Variants in ESAM observed in about 807,000 individuals in gnomAD.
The protein encoded by ESAM is endothelial cell adhesion molecule.
Under a neutral mutation model 31.8 loss-of-function variants are expected in ESAM, and 23 were observed. The observed-to-expected ratio is 0.72, with a 90% CI of 0.52 to 1.03. The LOEUF is 1.03. Ranked by LOEUF, ESAM falls within the 50% of genes least tolerant of loss-of-function variation. The pLI, the probability that ESAM is intolerant of heterozygous loss-of-function variation, is 0.00. For missense variants in ESAM, 478 were observed against 488.9 expected, an observed-to-expected ratio of 0.98 and a Z score of 0.21; for synonymous variants, 216 against 207.2, an observed-to-expected ratio of 1.04 and a Z score of -0.37.
rs765306132 is a variant in ESAM, at chr11:124,753,870, G to A, written c.949C>T (p.Arg317Ter). 2 of 1,613,924 alleles carry A rather than the reference G, an allele frequency of 1.2e-6. No homozygotes were observed. Among genetic ancestry groups the A allele is most frequent in the Non-Finnish European group, 1.7e-6 (2 of 1,179,986 alleles). Residue 317 changes from arginine to a stop codon, truncating the protein, a stop_gained, in exon 7 of 7, where the codon CGA (arginine) becomes TGA (stop). Coordinates refer to ENST00000278927, the MANE Select transcript of ESAM (RefSeq NM_138961.3). LOFTEE classifies it low-confidence loss of function (END_TRUNC). Reference protein sequence around the residue: ...NGTLSSVTSARALRPPHGPPR... With the variant: ...NGTLSSVTSA ...GGGCCATGGGGTGGCCGGAGGGCTCGTGCGGAGGTGACAGAGGAAAGGGTC... is the reference window on the plus strand; with the variant it reads ...GGGCCATGGGGTGGCCGGAGGGCTCATGCGGAGGTGACAGAGGAAAGGGTC...
chr11:124,758,591 C>T, intron 1 of ESAM, 64 bp from the exon 2 acceptor site: 1 of 1,435,644 alleles, frequency 7.0e-7, no homozygotes, highest in East Asian at 2.6e-5. Flanking sequence ...CGGACCCTGC[C>T]CTACGCGGCT....
intron 2 of ESAM, 33 bp downstream of exon 2, chr11:124,758,316 C>G (rs781149614): frequency 6.2e-7 from 1 of 1,613,778 alleles, no homozygotes; most frequent in Non-Finnish European, 8.5e-7. Flanking sequence ...CTGGGCGCAA[C>G]TTGCCGCTGG....
chr11:124,756,493 C>T (rs1944156399), intron 3 of ESAM, 48 bp downstream of exon 3: 4 of 1,604,604 alleles, frequency 2.5e-6, no homozygotes, highest in Non-Finnish European at 3.4e-6. Flanking sequence ...ACTCACCAGA[C>T]CTCCCAGTGC....
intron 3 of ESAM, 38 bp downstream of exon 3, chr11:124,756,503 C>A (rs201149748): frequency 6.8e-6 from 11 of 1,608,048 alleles, no homozygotes; most frequent in Non-Finnish European, 6.8e-6. Flanking sequence ...CCTCCCAGTG[C>A]AGGTGGGGAG....
intron 1 of ESAM, 21 bp from the exon 2 acceptor site, chr11:124,758,548 T>C (rs1944185861): frequency 2.0e-6 from 3 of 1,511,002 alleles, no homozygotes; most frequent in African/African-American, 1.4e-5. Flanking sequence ...GAGCGAGGCG[T>C]GAGTGCCCAG....
intron 2 of ESAM, among the ~76,000 whole-genome samples, chr11:124,757,890 G>C (rs1944175720): frequency 1.3e-5 from 2 of 151,968 alleles, no homozygotes. Context: ...CAGAGACGGG[G>C]GTTTCACCAT....
rs73611443 is a variant in ESAM, at chr11:124,753,468, T to A, written c.*178A>T. 1.5e-6 allele frequency: 1 copy of A among 667,338 alleles called. No homozygotes were observed. Among genetic ancestry groups the A allele is most frequent in the African/African-American group, 1.8e-5 (1 of 54,566 alleles). 41.3% of individuals were successfully genotyped at this position (667,338 alleles called of 1,614,324 possible). ...TTCCAGATCCACTTCCTCTTCTCCT[T>A]CTGTCTCCTGGACACTTAGGTCTTA... On this transcript the variant is annotated 3_prime_UTR_variant, in exon 7 of 7. Transcript: ENST00000278927.
Position 124,753,820 on chromosome 11 carries a change from G to C in ESAM, c.999C>G (p.Pro333=), listed in dbSNP as rs1304571927. The change falls in exon 7 of 7, where the codon CCC becomes CCG. Residue 333 remains proline (P), a synonymous_variant. Coordinates refer to ENST00000278927, the MANE Select transcript of ESAM (RefSeq NM_138961.3). ...HGPPRPGALT[P]TPSLSSQALP... ...GGGCCTGGCTGGAGAGACTGGGCGT[G>C]GGGGTCAATGCACCAGGCCTGGGAG... 5.6e-6 allele frequency: 9 copies of C among 1,613,462 alleles called. No individual in the cohort carries two copies. The highest frequency in any genetic ancestry group is 7.6e-6 in the Non-Finnish European group (9 of 1,179,740).
chr11:124,756,430 C>T, intron 3 of ESAM, 68 bp from the exon 4 acceptor site: 2 of 1,579,410 alleles, frequency 1.3e-6, no homozygotes, highest in Non-Finnish European at 1.7e-6. Context: ...CTGCCCTGCA[C>T]CCTTCTGTCG....
chr11:124,753,855 G>A lies in ESAM; in HGVS notation c.964C>T (p.Pro322Ser). The A allele has an allele frequency of 1.9e-6, 3 of 1,613,884 alleles. No homozygotes were observed. Among genetic ancestry groups the A allele is most frequent in the South Asian group, 2.2e-5 (2 of 91,054 alleles). The change falls in exon 7 of 7, where the codon CCC (proline) becomes TCC (serine). Residue 322 changes from proline to serine, a missense_variant. Physicochemically the swap from Pro to Ser is moderately conservative, Grantham distance 74 (BLOSUM62 -1). Coordinates refer to ENST00000278927, the MANE Select transcript of ESAM (RefSeq NM_138961.3). ...SVTSARALRP[P>S]HGPPRPGALT... is the part of the protein sequence containing the mutation. ...GCACCAGGCCTGGGAGGGCCATGGGGTGGCCGGAGGGCTCGTGCGGAGGTG... is the reference window on the plus strand; with the variant it reads ...GCACCAGGCCTGGGAGGGCCATGGGATGGCCGGAGGGCTCGTGCGGAGGTG...
chr11:124,756,812 T>C, intron 2 of ESAM, 70 bp from the exon 3 acceptor site: 1 of 1,517,790 alleles, frequency 6.6e-7, no homozygotes, highest in South Asian at 1.2e-5. Context: ...TCAGCCACTC[T>C]CCCTCCCCCA....
In ESAM at chr11:124,759,100, G is replaced by A. The variant is rs192650470; in HGVS notation, c.71-573C>T. On this transcript the variant is annotated intron_variant, in intron 1 of 6. Coordinates refer to ENST00000278927, the MANE Select transcript of ESAM (RefSeq NM_138961.3). The surrounding 1 kb of genome is among the most constrained non-coding windows in gnomAD (Gnocchi z 6.8). Reference sequence around the variant, plus strand: ...GCCCAGCGCCCAAGCCTGACCCAGTGAATGCGATGCTCCCCGCCCTCCCGC... The same window carrying A: ...GCCCAGCGCCCAAGCCTGACCCAGTAAATGCGATGCTCCCCGCCCTCCCGC... 6.6e-6 allele frequency: 1 copy of A among 152,514 alleles called. No homozygotes were observed. Among genetic ancestry groups the A allele is most frequent in the East Asian group, 1.9e-4 (1 of 5,166 alleles). The allele number at this position is 152,514 out of a possible 1,614,324, so 9.4% of individuals were successfully genotyped here.
chr11:124,762,181 G>A lies in ESAM; in HGVS notation c.-27C>T. The stretch of plus-strand genomic sequence containing the variant: ...GCCCTCCCTGGCCGGGACGGAGTCA[G>A]GGGCGCCAGCCGCGGGACGCACGGA... On this transcript the variant is annotated 5_prime_UTR_variant, in exon 1 of 7. Coordinates refer to ENST00000278927, the MANE Select transcript of ESAM (RefSeq NM_138961.3). This position sits in a 1 kb window ranked among gnomAD's most constrained non-coding sequence, Gnocchi z 6.4. 1 of 1,584,684 alleles carries A rather than the reference G, an allele frequency of 6.3e-7. No individual in the cohort carries two copies. Among genetic ancestry groups the A allele is most frequent in the Non-Finnish European group, 8.6e-7 (1 of 1,164,694 alleles).
At chr11:124,761,634 G>A in intron 1 of ESAM, among the ~76,000 whole-genome samples, 1 of 152,212 alleles carries the variant, frequency 6.6e-6, no homozygotes, top group East Asian at 1.9e-4. Flanking sequence ...AAGTGCGTGT[G>A]TCAAGCCTGG....
chr11:124,753,938 G>A lies in ESAM; in HGVS notation c.881C>T (p.Thr294Ile). 1 of 1,613,828 alleles carries A rather than the reference G, an allele frequency of 6.2e-7. No homozygotes were observed. Among genetic ancestry groups the A allele is most frequent in the Non-Finnish European group, 8.5e-7 (1 of 1,179,974 alleles). ...DIKEDAIAPR[T>I]LPWPKSSDTI... ...GTCTGAGCTCTTGGGCCAGGGCAGG[G>A]TCCGGGGAGCAATGGCATCCTCCCT... is the stretch of plus-strand genomic sequence containing the variant. The change falls in exon 7 of 7, where the codon ACC (threonine) becomes ATC (isoleucine). Residue 294 changes from threonine (T) to isoleucine (I), a missense_variant. Thr to Ile is a moderately conservative substitution (Grantham distance 89). Coordinates refer to ENST00000278927, the MANE Select transcript of ESAM (RefSeq NM_138961.3).
At position 124,754,720 on chromosome 11, in the gene ESAM, G is replaced by C. The variant is rs116076022; in HGVS notation, c.651C>G (p.Ser217=). 3.1e-6 allele frequency: 5 copies of C among 1,614,102 alleles called. No homozygotes were observed. Among genetic ancestry groups the C allele is most frequent in the Middle Eastern group, 1.6e-4 (1 of 6,062 alleles). ...CCTTGCAGACATAGACTCCAGCCAT[G>C]GAAGACGAAAGGTTGGTGAGGCTTA... ...GSLSLTNLSS[S]MAGVYVCKAH... Residue 217 remains serine, a synonymous_variant, in exon 5 of 7, where the codon TCC becomes TCG. Transcript: ENST00000278927. This position sits in a 1 kb window ranked among gnomAD's most constrained non-coding sequence, Gnocchi z 4.5.
Position 124,754,958 on chromosome 11 carries a change from T to C in ESAM, c.608-195A>G, listed in dbSNP as rs6590090. Among the ~76,000 whole-genome samples, 56,192 of 151,994 alleles carry C rather than the reference T, an allele frequency of 0.37. 14,301 individuals carry two copies. Among genetic ancestry groups the C allele is most frequent in the African/African-American group, 0.73 (30,274 of 41,426 alleles). ...CTGACTAGTGCAATAACCTCCATTG[T>C]CACTCCTCAGTCAGTGCCCCCAGTG... On this transcript the variant is annotated intron_variant, in intron 4 of 6. Transcript: ENST00000278927. This position sits in a 1 kb window ranked among gnomAD's most constrained non-coding sequence, Gnocchi z 4.5.
chr11:124,756,211 T>G lies in ESAM; in HGVS notation c.603A>C (p.Ala201=). Residue 201 remains alanine, a synonymous_variant, in exon 4 of 7, where the codon GCA becomes GCC. Coordinates refer to ENST00000278927, the MANE Select transcript of ESAM (RefSeq NM_138961.3). ...LPSFQTFFAP[A]LDVIRGSLSL... ...TGTTTCCAGTAGTGTCCTCACCTAATGCTGGTGCAAAGAAAGTCTGGAAGG... is the reference window on the plus strand; with the variant it reads ...TGTTTCCAGTAGTGTCCTCACCTAAGGCTGGTGCAAAGAAAGTCTGGAAGG... 1 of 1,613,698 alleles carries G rather than the reference T, an allele frequency of 6.2e-7. No homozygotes were observed. Among genetic ancestry groups the G allele is most frequent in the Non-Finnish European group, 8.5e-7 (1 of 1,180,010 alleles).
In ESAM at chr11:124,754,274, C is replaced by A; in HGVS notation, c.797G>T (p.Gly266Val). 3 of 1,614,002 alleles carry A rather than the reference C, an allele frequency of 1.9e-6. No individual in the cohort carries two copies. The highest frequency in any genetic ancestry group is 2.5e-6 in the Non-Finnish European group (3 of 1,179,972). Residue 266 changes from glycine to valine, a missense_variant, in exon 6 of 7, where the codon GGG (glycine) becomes GTG (valine). By Grantham distance (109) the Gly-to-Val change is moderately radical (BLOSUM62 -3). Transcript: ENST00000278927. This position sits in a 1 kb window ranked among gnomAD's most constrained non-coding sequence, Gnocchi z 4.5. The stretch of plus-strand genomic sequence containing the variant: ...CCGGCGGTGGTACAAGAGGACCAGC[C>A]CAGCCAGCAACCCCAGTCCAACCAG... ...GTLVGLGLLA[G>V]LVLLYHRRGK...
Sources: gnomAD v4.1 joint callset for allele counts (sites outside exome capture counted in the v4.1 genomes callset) on GRCh38, gnomAD v4.1.1 for gene constraint, Gnocchi (gnomAD v3.1) non-coding constraint, MANE v1.5 for transcripts, NCBI Gene and HGNC (gene_info 2026-07-23, HGNC 2026-07-21) for gene names.